Variants in CSGALNACT1 observed in about 807,000 individuals in gnomAD.
CSGALNACT1 encodes chondroitin sulfate N-acetylgalactosaminyltransferase 1.
In CSGALNACT1, 52 loss-of-function variants were observed where a neutral mutation model predicts 51.0. That is an observed-to-expected ratio of 1.02 (90% CI 0.82 to 1.29). The LOEUF is 1.29. CSGALNACT1 is among the 50% of genes most tolerant of loss of function. The pLI is 0.00. For synonymous variants in CSGALNACT1, 341 were observed against 254.4 expected (o/e 1.34, Z -3.24); for missense variants, 935 against 679.2 (o/e 1.38, Z -4.19).
At chr8:19,706,369 C>T (rs2154226344) in intron 1 of CSGALNACT1, among the ~76,000 whole-genome samples, 1 of 152,294 alleles carries the variant, frequency 6.6e-6, no homozygotes, top group East Asian at 1.9e-4. Flanking sequence ...GGAAGTGTTA[C>T]TTCCTAAAAG....
At chr8:19,648,761 C>T (rs1026970357) in intron 1 of CSGALNACT1, among the ~76,000 whole-genome samples, 4 of 152,120 alleles carry the variant, frequency 2.6e-5, no homozygotes, top group Admixed American at 6.5e-5. Flanking sequence ...GCCATGGTGG[C>T]GCCAACTGCA....
intron 4 of CSGALNACT1, among the ~76,000 whole-genome samples, chr8:19,463,436 TA>T (rs1563540023): frequency 6.6e-6 from 1 of 152,036 alleles, no homozygotes; most frequent in Non-Finnish European, 1.5e-5. Flanking sequence ...GGACGACACC[TA>T]AAAAAATCCT....
intron 5 of CSGALNACT1, among the ~76,000 whole-genome samples, chr8:19,458,087 C>T (rs1429753453): frequency 6.6e-6 from 1 of 152,158 alleles, no homozygotes; most frequent in Non-Finnish European, 1.5e-5. Context: ...CAAGGCTGCT[C>T]ACTTGCCTGG....
upstream of CSGALNACT1, chr8:19,682,836 C>A: frequency 2.3e-6 from 1 of 430,758 alleles, no homozygotes; most frequent in Non-Finnish European, 4.7e-6. Flanking sequence ...GTTCTGCAAT[C>A]AGGGCCAGGA....
intron 1 of CSGALNACT1, among the ~76,000 whole-genome samples, chr8:19,725,511 G>A (rs1482429500): frequency 1.4e-5 from 2 of 142,946 alleles, no homozygotes; most frequent in East Asian, 4.1e-4. Flanking sequence ...TGAAACCTCT[G>A]CCTTCCGGTT....
chr8:19,578,559 A>G (rs1334767719), intron 3 of CSGALNACT1, among the ~76,000 whole-genome samples: 1 of 152,202 alleles, frequency 6.6e-6, no homozygotes, highest in East Asian at 1.9e-4. Context: ...AAATGATTAG[A>G]TTCTGAACTG....
intron 6 of CSGALNACT1, among the ~76,000 whole-genome samples, chr8:19,434,190 C>G (rs1332047506): frequency 1.3e-5 from 2 of 152,138 alleles, no homozygotes; most frequent in Non-Finnish European, 2.9e-5. Context: ...TTTGCAGAGG[C>G]CTTTACTCCA....
At chr8:19,580,288 T>A (rs767685430) in intron 3 of CSGALNACT1, among the ~76,000 whole-genome samples, 18 of 152,174 alleles carry the variant, frequency 1.2e-4, no homozygotes, top group Non-Finnish European at 1.9e-4. Flanking sequence ...AGCTGTGAGT[T>A]GTAAAAGGAG....
intron 6 of CSGALNACT1, among the ~76,000 whole-genome samples, chr8:19,426,467 T>C (rs1015871801): frequency 3.9e-5 from 6 of 152,216 alleles, no homozygotes; most frequent in Non-Finnish European, 5.9e-5. Flanking sequence ...TGTTTAGTGT[T>C]ACCCTAAAGC....
intron 6 of CSGALNACT1, among the ~76,000 whole-genome samples, chr8:19,439,587 C>G (rs1422711763): frequency 1.3e-5 from 2 of 152,234 alleles, no homozygotes; most frequent in African/African-American, 4.8e-5. Flanking sequence ...CTCACCCCTG[C>G]TGTGCGCAGT....
chr8:19,507,121 G>A (rs1219809040), intron 3 of CSGALNACT1, among the ~76,000 whole-genome samples: 1 of 152,164 alleles, frequency 6.6e-6, no homozygotes, highest in Admixed American at 6.5e-5. Context: ...ATCCAGAAGG[G>A]ATCAGGGGAC....
intron 1 of CSGALNACT1, among the ~76,000 whole-genome samples, chr8:19,719,920 A>G (rs2063023159): frequency 6.6e-6 from 1 of 152,262 alleles, no homozygotes; most frequent in African/African-American, 2.4e-5. Flanking sequence ...CATAAGCTGA[A>G]GCTCACTAGT....
intron 6 of CSGALNACT1, among the ~76,000 whole-genome samples, chr8:19,424,983 T>C (rs1458450351): frequency 3.9e-5 from 6 of 152,008 alleles, no homozygotes; most frequent in South Asian, 2.1e-4. Flanking sequence ...GAAAGAAAAA[T>C]AGAATCTCAG....
At chr8:19,702,384 C>T (rs2061928364) in intron 1 of CSGALNACT1, among the ~76,000 whole-genome samples, 2 of 152,000 alleles carry the variant, frequency 1.3e-5, no homozygotes, top group South Asian at 2.1e-4. Context: ...GTTGAGGATA[C>T]ACCTGTAGTC....
In CSGALNACT1 at chr8:19,476,952, T is replaced by C. The variant is rs560305571; in HGVS notation, c.635-18310A>G. On this transcript the variant is annotated intron_variant, in intron 4 of 9. Coordinates refer to ENST00000454498, the Ensembl canonical transcript of CSGALNACT1. ...AGCCTGCTGGGGCAGGGACAAGCCA[T>C]CCCCATGTGTCCTTTCTGAATTCCT... 2.6e-4 allele frequency among the ~76,000 whole-genome samples: 40 copies of C among 152,288 alleles called. No homozygotes were observed. The South Asian group carries it at 7.3e-3, about 28-fold the overall frequency.
At chr8:19,602,367 T>G (rs61518292) in exon 1 of CSGALNACT1, 4,979 of 152,858 alleles carry the variant, frequency 0.033, 284 homozygotes, top group African/African-American at 0.11. Flanking sequence ...AATAAAAAAT[T>G]TCCTTTTTTC....
In CSGALNACT1 at chr8:19,511,009, C is replaced by T. The variant is rs565077178; in HGVS notation, c.-296-4879G>A. 3.9e-5 allele frequency among the ~76,000 whole-genome samples: 6 copies of T among 152,288 alleles called. No homozygotes were observed. In the South Asian group the frequency reaches 1.2e-3, roughly 32 times the overall value. On this transcript the variant is annotated intron_variant, in intron 3 of 9. Transcript: ENST00000454498. ...TGGTCACGAGAGCTGTGTACTCTGC[C>T]AAGATATGCCTACTAATGTCCACAA...
intron 1 of CSGALNACT1, among the ~76,000 whole-genome samples, chr8:19,751,970 A>T (rs554509608): frequency 5.3e-5 from 8 of 151,414 alleles, no homozygotes; most frequent in Admixed American, 5.3e-4. Flanking sequence ...AGACTAATAC[A>T]TGTGTATATT....
intron 4 of CSGALNACT1, among the ~76,000 whole-genome samples, chr8:19,500,160 T>C (rs1450771684): frequency 6.6e-6 from 1 of 152,118 alleles, no homozygotes; most frequent in East Asian, 1.9e-4. Flanking sequence ...CACTGAAGAA[T>C]AAACCACTGG....
Sources: allele counts gnomAD v4.1 joint callset (sites outside exome capture counted in the v4.1 genomes callset), GRCh38; gene constraint gnomAD v4.1.1; transcripts MANE v1.5; gene names NCBI Gene and HGNC (gene_info 2026-07-23, HGNC 2026-07-21).